The following CAPS2 variants were observed in gnomAD, a reference collection of about 807,000 sequenced individuals.
CAPS2 encodes calcyphosin-2.
In CAPS2, 98 loss-of-function variants were observed where a neutral mutation model predicts 86.5. The ratio of observed to expected loss-of-function variants is 1.13; its 90% CI spans 0.96 to 1.34. The LOEUF (loss-of-function observed/expected upper bound fraction) is 1.34. Ranked by LOEUF, CAPS2 falls within the 40% of genes most tolerant of loss-of-function variation. The probability of loss-of-function intolerance (pLI) is 0.00; values close to 1 mark genes in which losing one functional copy is unlikely to be tolerated. For synonymous variants in CAPS2, 210 were observed against 225.1 expected (o/e 0.93, Z 0.60); for missense variants, 729 against 686.8 (o/e 1.06, Z -0.69).
chr12:75,360,805 G>A (rs977331313), intron 1 of CAPS2: 14 of 152,188 alleles, frequency 9.2e-5, no homozygotes, highest in African/African-American at 3.1e-4. Flanking sequence ...CCCTAGTAGA[G>A]GTTCTCCATG....
intron 1 of CAPS2, 24 bp from the exon 3 acceptor site, chr12:75,325,312 TG>T: frequency 6.8e-7 from 1 of 1,477,568 alleles, no homozygotes; most frequent in Non-Finnish European, 9.2e-7. Context: ...AAAAACTTTT[TG>T]AATCAGTATA....
At chr12:75,317,438 G>A (rs1434299596) in intron 5 of CAPS2, among the ~76,000 whole-genome samples, 2 of 152,056 alleles carry the variant, frequency 1.3e-5, no homozygotes, top group Admixed American at 1.3e-4. Context: ...TTAATTTAAT[G>A]CATATATTTA....
intron 1 of CAPS2, among the ~76,000 whole-genome samples, 170 bp downstream of exon 2, chr12:75,326,248 C>T: frequency 6.6e-6 from 1 of 152,050 alleles, no homozygotes; most frequent in East Asian, 1.9e-4. Context: ...CAAGCAGTGG[C>T]AATTTTTCAA....
At chr12:75,365,772 C>T (rs1566009693) in intron 1 of CAPS2, among the ~76,000 whole-genome samples, 2 of 151,972 alleles carry the variant, frequency 1.3e-5, no homozygotes, top group African/African-American at 4.8e-5. Context: ...CATTTTTATA[C>T]CCTATGAATT....
At chr12:75,308,424 G>A (rs555185504) in intron 7 of CAPS2, among the ~76,000 whole-genome samples, 1 of 152,144 alleles carries the variant, frequency 6.6e-6, no homozygotes, top group Non-Finnish European at 1.5e-5. Flanking sequence ...TCAGGCCCTT[G>A]AGCCACTTGC....
At chr12:75,302,134 C>T (rs1445367953) in intron 8 of CAPS2, among the ~76,000 whole-genome samples, 1 of 152,130 alleles carries the variant, frequency 6.6e-6, no homozygotes, top group Non-Finnish European at 1.5e-5. Flanking sequence ...CAATTCCTGC[C>T]TCTAAATTTA....
rs2040182126 is a variant in CAPS2, at chr12:75,320,331, C to A, written c.468+1069G>T. Among the ~76,000 whole-genome samples the A allele has an allele frequency of 7.9e-5, 12 of 152,156 alleles. No homozygotes were observed. The South Asian group carries it at 2.5e-3, about 32-fold the overall frequency. ...TCAGTAAGGCATGTGCTTACAGAAA[C>A]CTTCATTCCGTTTTCCCAACATCTG... On this transcript the variant is annotated intron_variant, in intron 5 of 16. Transcript: ENST00000393284.
Position 75,343,653 on chromosome 12 carries a change from A to G in CAPS2, c.-394-20431T>C, listed in dbSNP as rs369522983. On this transcript the variant is annotated intron_variant, in intron 1 of 5. Coordinates refer to the CAPS2 transcript ENST00000551829. ...ATAATTAGAATAATTTAATGCAAAT[A>G]CTTATGCACAATTCAATTTAAATTA... 2.3e-5 allele frequency: 33 copies of G among 1,411,626 alleles called. No individual in the cohort carries two copies. In the African/African-American group the frequency reaches 4.7e-4, roughly 20 times the overall value. 87.4% of individuals were successfully genotyped at this position (1,411,626 alleles called of 1,614,324 possible).
chr12:75,291,567 G>GTATATATATA (rs66622366), intron 13 of CAPS2, among the ~76,000 whole-genome samples, 177 bp downstream of exon 13: 21 of 27,700 alleles, frequency 7.6e-4, no homozygotes, highest in East Asian at 1.3e-3. Flanking sequence ...ATTTTTAAAA[G>GTATATATATA]TATATATATA....
chr12:75,321,356 T>C (rs1371307794), intron 5 of CAPS2, 44 bp downstream of exon 5: 1 of 1,271,722 alleles, frequency 7.9e-7, no homozygotes, highest in East Asian at 2.5e-5. Context: ...TATGTGCAGT[T>C]TTCTTTAAAT....
rs200987393 is a variant in CAPS2 at position 75,324,454 on chromosome 12, T to TA, written c.131+784dup. ...AAACAAGTAAAATTTACAATAAACT[T>TA]ATAATACACCTTCAGAAAATCAGTC... On this transcript the variant is annotated intron_variant, in intron 2 of 16. Coordinates refer to ENST00000393284, the Ensembl canonical transcript of CAPS2. 7.2e-5 allele frequency among the ~76,000 whole-genome samples: 11 copies of TA among 152,296 alleles called. No individual in the cohort carries two copies. The East Asian group carries it at 9.6e-4, about 13-fold the overall frequency.
chr12:75,316,158 A>C, intron 6 of CAPS2, 154 bp downstream of exon 6: 1 of 953,138 alleles, frequency 1.0e-6, no homozygotes, highest in Non-Finnish European at 1.5e-6. Flanking sequence ...CAATTCAATC[A>C]TTTATAAAAA....
At chr12:75,285,577 T>C (rs2034728950) in intron 14 of CAPS2, among the ~76,000 whole-genome samples, 1 of 151,934 alleles carries the variant, frequency 6.6e-6, no homozygotes, top group African/African-American at 2.4e-5. Flanking sequence ...TGAAAACTTG[T>C]ACCTTCTGAC....
chr12:75,356,195 A>G lies in CAPS2; in HGVS notation c.-394-32973T>C, dbSNP rs895860911. Reference sequence around the variant, plus strand: ...GAAAAGAGATGCCAGCAGATTTTTCAGTGGACATAATGCAAAAGAAGCAAT... The same window carrying G: ...GAAAAGAGATGCCAGCAGATTTTTCGGTGGACATAATGCAAAAGAAGCAAT... On this transcript the variant is annotated intron_variant, in intron 1 of 5. Coordinates refer to the CAPS2 transcript ENST00000551829. 3.9e-5 allele frequency among the ~76,000 whole-genome samples: 6 copies of G among 152,206 alleles called. 1 individual carries two copies. The highest frequency in any genetic ancestry group is 8.8e-5 in the Non-Finnish European group (6 of 68,034).
intron 1 of CAPS2, chr12:75,347,551 C>A (rs1290156784): frequency 2.2e-6 from 2 of 911,630 alleles, no homozygotes; most frequent in African/African-American, 1.7e-5. Context: ...AAGATTATAC[C>A]AATTCTCTAA....
intron 15 of CAPS2, among the ~76,000 whole-genome samples, chr12:75,282,771 C>T (rs1298505901): frequency 3.9e-5 from 6 of 152,080 alleles, no homozygotes; most frequent in African/African-American, 1.4e-4. Flanking sequence ...GAGCTATAAA[C>T]AAGACATTTT....
At chr12:75,298,630 G>C (rs1189187158) in intron 11 of CAPS2, 57 bp downstream of exon 11, 1 of 1,341,864 alleles carries the variant, frequency 7.5e-7, no homozygotes, top group Admixed American at 1.7e-5. Flanking sequence ...ACCTCCATGG[G>C]ACTCCACAAA....
chr12:75,284,451 A>C (rs1170372353), intron 15 of CAPS2, among the ~76,000 whole-genome samples: 1 of 152,176 alleles, frequency 6.6e-6, no homozygotes, highest in Admixed American at 6.5e-5. Flanking sequence ...CCAATTTAAC[A>C]TGATTATCTT....
At chr12:75,347,393 T>C (rs80291096) in intron 1 of CAPS2, among the ~76,000 whole-genome samples, 5,758 of 152,170 alleles carry the variant, frequency 0.038, 126 homozygotes, top group East Asian at 0.052. Context: ...ATCCTTTTGA[T>C]TTATAAGAAT....
Sources: gnomAD v4.1 joint callset for allele counts (sites outside exome capture counted in the v4.1 genomes callset) on GRCh38, gnomAD v4.1.1 for gene constraint, MANE v1.5 for transcripts, NCBI Gene and HGNC (gene_info 2026-07-23, HGNC 2026-07-21) for gene names.